The following CHRNB4 variants were observed in gnomAD, a reference collection of about 807,000 sequenced individuals.
The protein encoded by CHRNB4 is cholinergic receptor nicotinic beta 4 subunit.
In CHRNB4, 23 loss-of-function variants were observed where a neutral mutation model predicts 40.4. The ratio of observed to expected loss-of-function variants is 0.57; its 90% CI spans 0.41 to 0.81. CHRNB4 has a LOEUF of 0.81. Among genes scored for constraint, CHRNB4 ranks in the 30% least tolerant of loss-of-function variants. CHRNB4 has a pLI of 0.00. For synonymous variants in CHRNB4, 285 were observed against 274.4 expected (o/e 1.04, Z -0.38); for missense variants, 568 against 670.6 (o/e 0.85, Z 1.69).
In CHRNB4 at chr15:78,631,349, G is replaced by C. The variant is rs767601970; in HGVS notation, c.205-17C>G. 3.7e-6 allele frequency: 6 copies of C among 1,612,080 alleles called. No homozygotes were observed. Among genetic ancestry groups the C allele is most frequent in the African/African-American group, 2.7e-5 (2 of 74,846 alleles). On this transcript the variant is annotated splice_polypyrimidine_tract_variant and intron_variant, in intron 2 of 5. Transcript: ENST00000261751. ...TCGCTCATTCTGGGGAGGGAAACGGGGCTATCAGTTCACCAGGAAGGAGGA... is the reference window on the plus strand; with the variant it reads ...TCGCTCATTCTGGGGAGGGAAACGGCGCTATCAGTTCACCAGGAAGGAGGA...
At chr15:78,628,420 T>C (rs2053710090) in intron 5 of CHRNB4, among the ~76,000 whole-genome samples, 1 of 152,214 alleles carries the variant, frequency 6.6e-6, no homozygotes, top group African/African-American at 2.4e-5. Context: ...CTCCTCTGCC[T>C]CAGGGCTTTC....
intron 6 of CHRNB4, among the ~76,000 whole-genome samples, chr15:78,650,542 T>C (rs2054163728): frequency 6.6e-6 from 1 of 152,202 alleles, no homozygotes; most frequent in African/African-American, 2.4e-5. Context: ...TGCCTTTCTC[T>C]GGCTTCCCCA....
At chr15:78,650,471 GAAGT>G (rs1302626505) in intron 6 of CHRNB4, among the ~76,000 whole-genome samples, 1 of 152,196 alleles carries the variant, frequency 6.6e-6, no homozygotes, top group Non-Finnish European at 1.5e-5. Context: ...TCTAATTAAG[GAAGT>G]AAGAGCCAAG....
intron 1 of CHRNB4, among the ~76,000 whole-genome samples, chr15:78,636,960 G>C (rs1465777089): frequency 6.6e-6 from 1 of 152,146 alleles, no homozygotes; most frequent in East Asian, 1.9e-4. Context: ...TGCAGAAATG[G>C]GTACGAGGTG....
chr15:78,641,398 C>T (rs28501157), upstream of CHRNB4, among the ~76,000 whole-genome samples: 2,972 of 152,292 alleles, frequency 0.02, 92 homozygotes, highest in African/African-American at 0.067. Flanking sequence ...GCAACCTTCC[C>T]CCAAGGAAGG....
rs543719328 is a variant in CHRNB4, at chr15:78,629,141, G to A, written c.1164C>T (p.Tyr388=). 40 of 1,614,170 alleles carry A rather than the reference G, an allele frequency of 2.5e-5. No homozygotes were observed. The South Asian group carries it at 4.1e-4, about 16-fold the overall frequency. ...AAGCTGCAGAGGCGGGGTTCACAAA[G>A]TACATGGAGTTCCCATAGAAGTTGG... The part of the protein sequence containing the change: ...SPSNFYGNSM[Y]FVNPASAASK... The change falls in exon 5 of 6, where the codon TAC becomes TAT. Residue 388 remains tyrosine, a synonymous_variant. Transcript: ENST00000261751. The surrounding 1 kb of genome is among the most constrained non-coding windows in gnomAD (Gnocchi z 6.8).
In CHRNB4 at chr15:78,635,510, G is replaced by C. The variant is rs760869923; in HGVS notation, c.133C>G (p.Arg45Gly). 6.2e-7 allele frequency: 1 copy of C among 1,613,996 alleles called. No homozygotes were observed. Among genetic ancestry groups the C allele is most frequent in the Non-Finnish European group, 8.5e-7 (1 of 1,180,030 alleles). The change falls in exon 2 of 6, where the codon CGC (arginine) becomes GGC (glycine). Residue 45 changes from arginine to glycine, a missense_variant. Arg to Gly is a moderately radical substitution (Grantham distance 125, BLOSUM62 -2). Transcript: ENST00000261751. ...LNKTRYNNLI[R>G]PATSSSQLIS... ...AGCTGTGAGGAGCTGGTGGCTGGGC[G>C]GATCAGGTTATTGTAACGGGTTTTG... is the stretch of plus-strand genomic sequence containing the variant.
chr15:78,646,057 C>CAAAAA (rs370310559), upstream of CHRNB4, among the ~76,000 whole-genome samples: 11 of 113,612 alleles, frequency 9.7e-5, no homozygotes, highest in African/African-American at 3.5e-4. Context: ...GAGACCGTCT[C>CAAAAA]AAAAAAAAAA....
chr15:78,634,402 G>A (rs1171859301), intron 2 of CHRNB4, among the ~76,000 whole-genome samples: 2 of 152,218 alleles, frequency 1.3e-5, no homozygotes, highest in African/African-American at 4.8e-5. Context: ...AGCAAGCCTG[G>A]CTGAAAGCCC....
At chr15:78,647,208 T>TA (rs986351201) in intron 7 of CHRNB4, among the ~76,000 whole-genome samples, 1 of 152,178 alleles carries the variant, frequency 6.6e-6, no homozygotes, top group African/African-American at 2.4e-5. Flanking sequence ...CTAAAGTATT[T>TA]AAACTTCTAT....
intron 1 of CHRNB4, among the ~76,000 whole-genome samples, chr15:78,638,776 C>A (rs1380959164): frequency 2.0e-5 from 3 of 152,244 alleles, no homozygotes; most frequent in Admixed American, 1.3e-4. Context: ...GTCTGTGAGG[C>A]CTGCTGGGCT....
Position 78,629,065 on chromosome 15 carries a change from G to T in CHRNB4, c.1240C>A (p.Leu414Met). ...TGTCGGAACCTCCCAGAGGACCGCA[G>T]CCAGAAATCCCTGGGGATAGCCACC... ...TPVAIPRDFW[L>M]RSSGRFRQDV... Residue 414 changes from leucine to methionine, a missense_variant, in exon 5 of 6, where the codon CTG (leucine) becomes ATG (methionine). By Grantham distance (15) the Leu-to-Met change is conservative. Coordinates refer to ENST00000261751, the MANE Select transcript of CHRNB4 (RefSeq NM_000750.5). The surrounding 1 kb of genome is among the most constrained non-coding windows in gnomAD (Gnocchi z 6.8). 1.9e-6 allele frequency: 3 copies of T among 1,614,216 alleles called. No individual in the cohort carries two copies. Among genetic ancestry groups the T allele is most frequent in the Non-Finnish European group, 2.5e-6 (3 of 1,180,044 alleles).
chr15:78,659,563 T>G (rs147450051), intron 1 of CHRNB4, among the ~76,000 whole-genome samples: 5 of 152,090 alleles, frequency 3.3e-5, no homozygotes, highest in African/African-American at 1.2e-4. Context: ...GAGGTGACAT[T>G]TGAGACCTGA....
At chr15:78,648,777 A>ACC (rs2054148228) in intron 7 of CHRNB4, among the ~76,000 whole-genome samples, 1 of 146,158 alleles carries the variant, frequency 6.8e-6, no homozygotes. Context: ...AAAAAAAAGT[A>ACC]GATATCTTAT....
chr15:78,640,816 C>T (rs2141398855), intron 1 of CHRNB4, among the ~76,000 whole-genome samples: 1 of 152,346 alleles, frequency 6.6e-6, no homozygotes, highest in Admixed American at 6.5e-5. Context: ...CACAGACACT[C>T]GCCCTGGAGG....
chr15:78,656,027 C>A (rs926413823), intron 4 of CHRNB4, among the ~76,000 whole-genome samples: 1 of 151,976 alleles, frequency 6.6e-6, no homozygotes, highest in African/African-American at 2.4e-5. Flanking sequence ...TTGTTTGCTC[C>A]GACATACAGT....
intron 5 of CHRNB4, among the ~76,000 whole-genome samples, chr15:78,653,983 G>A (rs1388416493): frequency 6.6e-6 from 1 of 152,180 alleles, no homozygotes; most frequent in Non-Finnish European, 1.5e-5. Context: ...GAAAGGCTGT[G>A]CAGAGGAAGC....
intron 1 of CHRNB4, among the ~76,000 whole-genome samples, chr15:78,659,783 G>A (rs1432506718): frequency 6.6e-6 from 1 of 152,170 alleles, no homozygotes; most frequent in African/African-American, 2.4e-5. Context: ...AGTTTCTTCT[G>A]GAGAGTTTTA....
intron 6 of CHRNB4, among the ~76,000 whole-genome samples, chr15:78,650,087 G>A (rs1310912484): frequency 1.3e-5 from 2 of 152,192 alleles, no homozygotes; most frequent in Non-Finnish European, 2.9e-5. Context: ...CCTCCCTGCT[G>A]TGCACCCGGT....
Sources: allele counts gnomAD v4.1 joint callset (sites outside exome capture counted in the v4.1 genomes callset), GRCh38; gene constraint gnomAD v4.1.1; non-coding constraint Gnocchi (gnomAD v3.1); transcripts MANE v1.5; gene names NCBI Gene and HGNC (gene_info 2026-07-23, HGNC 2026-07-21).